Variants in LRMDA observed in about 807,000 individuals in gnomAD.
LRMDA encodes the protein leucine rich melanocyte differentiation associated.
Under a neutral mutation model 29.8 loss-of-function variants are expected in LRMDA, and 18 were observed. The ratio of observed to expected loss-of-function variants is 0.60; its 90% confidence interval spans 0.42 to 0.90. The LOEUF (loss-of-function observed/expected upper bound fraction) is 0.90, where lower values mean the gene tolerates loss of function less well. Among genes scored for constraint, LRMDA ranks in the 40% least tolerant of loss-of-function variants. LRMDA has a pLI of 0.00. For missense variants in LRMDA, 273 were observed against 273.9 expected (o/e 1.00, Z 0.02); for synonymous variants, 125 against 109.4 (o/e 1.14, Z -0.89).
intron 2 of LRMDA, among the ~76,000 whole-genome samples, chr10:75,623,282 G>C (rs571584007): frequency 6.6e-6 from 1 of 152,144 alleles, no homozygotes; most frequent in Non-Finnish European, 1.5e-5. Flanking sequence ...TTCTTCGTGG[G>C]CCCCTTGAAA....
chr10:75,665,631 T>C (rs1206129453), intron 2 of LRMDA, among the ~76,000 whole-genome samples: 1 of 152,238 alleles, frequency 6.6e-6, no homozygotes, highest in Non-Finnish European at 1.5e-5. Flanking sequence ...GAACAAAGTC[T>C]GACCTGAAGT....
intron 2 of LRMDA, among the ~76,000 whole-genome samples, chr10:75,501,046 T>C (rs909865754): frequency 6.6e-6 from 1 of 152,224 alleles, no homozygotes; most frequent in South Asian, 2.1e-4. Context: ...CCATTGCAGG[T>C]GTCAGTCATT....
intron 2 of LRMDA, among the ~76,000 whole-genome samples, chr10:76,032,095 A>G (rs926430560): frequency 6.6e-6 from 1 of 152,184 alleles, no homozygotes; most frequent in Non-Finnish European, 1.5e-5. Flanking sequence ...GCAGGGAGGA[A>G]TGGCTACAAA....
intron 2 of LRMDA, among the ~76,000 whole-genome samples, chr10:75,656,806 T>C (rs1841681398): frequency 6.6e-6 from 1 of 152,204 alleles, no homozygotes; most frequent in South Asian, 2.1e-4. Context: ...GAATAATGTA[T>C]TGGATTGCAT....
chr10:75,788,142 A>C (rs565808364), intron 2 of LRMDA, among the ~76,000 whole-genome samples: 114 of 152,380 alleles, frequency 7.5e-4, no homozygotes, highest in Non-Finnish European at 1.2e-3. Context: ...CGGAGGTTGC[A>C]GTGAGCTGAG....
rs187782268 is a variant in LRMDA at position 76,535,338 on chromosome 10, G to A, written c.602-21871G>A. Among the ~76,000 whole-genome samples, 263 of 152,270 alleles carry A rather than the reference G, an allele frequency of 1.7e-3. 1 individual carries two copies. Among genetic ancestry groups the A allele is most frequent in the African/African-American group, 6.0e-3 (249 of 41,554 alleles). ...AAGAAGAGGAAGGCAGAGGATGAAG[G>A]CATTGAGGTGGGGAGGGACAAATAA... On this transcript the variant is annotated intron_variant, in intron 6 of 6. Coordinates refer to ENST00000611255, the MANE Select transcript of LRMDA (RefSeq NM_001305581.2).
At chr10:76,547,632 G>A (rs1226226723) in intron 6 of LRMDA, among the ~76,000 whole-genome samples, 1 of 152,096 alleles carries the variant, frequency 6.6e-6, no homozygotes. Context: ...TGGAGGAGGT[G>A]GTGACGGGGT....
chr10:75,778,749 T>A (rs972906359), intron 2 of LRMDA, among the ~76,000 whole-genome samples: 1 of 152,212 alleles, frequency 6.6e-6, no homozygotes, highest in Admixed American at 6.5e-5. Context: ...ATCTTGTCAC[T>A]ATTTCCAAGG....
intron 2 of LRMDA, among the ~76,000 whole-genome samples, chr10:75,498,085 T>C (rs1027709530): frequency 2.0e-5 from 3 of 152,166 alleles, no homozygotes; most frequent in Non-Finnish European, 4.4e-5. Flanking sequence ...GTCAGTCTTT[T>C]TCATTGTAGG....
intron 6 of LRMDA, among the ~76,000 whole-genome samples, chr10:76,338,888 A>G (rs571406965): frequency 1.2e-4 from 19 of 152,288 alleles, no homozygotes; most frequent in African/African-American, 3.8e-4. Context: ...AAAGAGGGTT[A>G]TTTTGTATAA....
At chr10:76,503,403 A>G (rs1370649869) in intron 6 of LRMDA, among the ~76,000 whole-genome samples, 1 of 149,712 alleles carries the variant, frequency 6.7e-6, no homozygotes, top group Non-Finnish European at 1.5e-5. Flanking sequence ...ATTGGTACCC[A>G]TTTTTCTTTG....
rs546646263 is a variant in LRMDA at position 76,229,841 on chromosome 10, G to A, written c.517-94560G>A. Among the ~76,000 whole-genome samples, 189 of 152,138 alleles carry A rather than the reference G, an allele frequency of 1.2e-3. 1 individual carries two copies. Among genetic ancestry groups the A allele is most frequent in the African/African-American group, 4.0e-3 (166 of 41,504 alleles). ...CTGGGTGTGTTTACTGAAGTTGTAC[G>A]CATGCTCCTTTGAGCCATTTTCGAC... On this transcript the variant is annotated intron_variant, in intron 5 of 6. Transcript: ENST00000611255.
intron 6 of LRMDA, among the ~76,000 whole-genome samples, chr10:76,370,784 A>G (rs1841445024): frequency 6.6e-6 from 1 of 152,182 alleles, no homozygotes; most frequent in African/African-American, 2.4e-5. Flanking sequence ...TGGAGAGCAC[A>G]CCAAATGTAT....
intron 5 of LRMDA, among the ~76,000 whole-genome samples, chr10:76,167,651 T>G (rs1850765046): frequency 6.6e-6 from 1 of 152,216 alleles, no homozygotes; most frequent in Non-Finnish European, 1.5e-5. Flanking sequence ...TTTTCATTAC[T>G]GTAGCCCTGT....
chr10:76,153,721 G>A (rs556867612), intron 5 of LRMDA, among the ~76,000 whole-genome samples: 10 of 152,308 alleles, frequency 6.6e-5, no homozygotes, highest in South Asian at 2.1e-4. Flanking sequence ...TCACTGGAAT[G>A]TGAGAACCAA....
At chr10:75,577,662 G>GA (rs1449990610) in intron 2 of LRMDA, among the ~76,000 whole-genome samples, 1 of 152,178 alleles carries the variant, frequency 6.6e-6, no homozygotes, top group Non-Finnish European at 1.5e-5. Flanking sequence ...CCCACAAAGG[G>GA]AAGCCTATCA....
chr10:76,218,334 G>C (rs1421592282), intron 5 of LRMDA, among the ~76,000 whole-genome samples: 2 of 152,204 alleles, frequency 1.3e-5, no homozygotes, highest in East Asian at 1.9e-4. Context: ...GCAGTGCAGG[G>C]CTGACAGCCC....
intron 2 of LRMDA, among the ~76,000 whole-genome samples, chr10:75,531,801 C>G (rs373917619): frequency 2.0e-5 from 3 of 151,894 alleles, no homozygotes; most frequent in Non-Finnish European, 4.4e-5. Context: ...ATGCTAGGTG[C>G]GGTGGCTCTT....
Position 75,591,237 on chromosome 10 carries a change from A to C in LRMDA, c.131+152743A>C, listed in dbSNP as rs535010697. Among the ~76,000 whole-genome samples, 15 of 152,084 alleles carry C rather than the reference A, an allele frequency of 9.9e-5. No homozygotes were observed. The South Asian group carries it at 2.5e-3, about 25-fold the overall frequency. On this transcript the variant is annotated intron_variant, in intron 2 of 6. Transcript: ENST00000611255. ...AAAACAAAATGAAGACTGCCCCCCC[A>C]CCCCATAATCTGATGCAAATATGGC...
Sources: gnomAD v4.1 joint callset for allele counts (sites outside exome capture counted in the v4.1 genomes callset) on GRCh38, gnomAD v4.1.1 for gene constraint, MANE v1.5 for transcripts, NCBI Gene and HGNC (gene_info 2026-07-23, HGNC 2026-07-21) for gene names.